The following NELL1 variants were observed in gnomAD, a reference collection of about 807,000 sequenced individuals.
NELL1 encodes neural EGFL like 1, also known as protein kinase C-binding protein NELL1.
A neutral mutation model predicts 107.4 loss-of-function variants in NELL1; 76 were observed. That is an observed-to-expected ratio of 0.71 (90% CI 0.59 to 0.86). The LOEUF (loss-of-function observed/expected upper bound fraction) is 0.86. Ranked by LOEUF, NELL1 falls within the 40% of genes least tolerant of loss-of-function variation. NELL1 has a pLI of 0.00. For synonymous variants in NELL1, 353 were observed against 341.2 expected (o/e 1.03, Z -0.38); for missense variants, 1,024 against 1,005.5 (o/e 1.02, Z -0.25).
intron 14 of NELL1, among the ~76,000 whole-genome samples, chr11:21,370,431 A>G (rs1851331750): frequency 6.6e-6 from 1 of 152,120 alleles, no homozygotes; most frequent in African/African-American, 2.4e-5. Context: ...TTTAAAGAAC[A>G]TAAAAGTTTT....
At chr11:21,406,191 C>A (rs1310809335) in intron 15 of NELL1, among the ~76,000 whole-genome samples, 1 of 151,954 alleles carries the variant, frequency 6.6e-6, no homozygotes, top group Non-Finnish European at 1.5e-5. Flanking sequence ...AGTTCCTAGG[C>A]AGATTAGCAA....
intron 14 of NELL1, among the ~76,000 whole-genome samples, chr11:21,237,309 C>T (rs546514203): frequency 9.9e-5 from 15 of 152,132 alleles, no homozygotes; most frequent in Admixed American, 3.9e-4. Flanking sequence ...TATAGTACCC[C>T]GGGCATTTAA....
At chr11:21,213,976 A>G (rs541268817) in intron 13 of NELL1, among the ~76,000 whole-genome samples, 2 of 152,306 alleles carry the variant, frequency 1.3e-5, no homozygotes, top group East Asian at 1.9e-4. Context: ...TGATTAATTC[A>G]TTGTCATGAA....
chr11:20,852,883 A>T (rs1461212649), intron 4 of NELL1, among the ~76,000 whole-genome samples: 1 of 152,240 alleles, frequency 6.6e-6, no homozygotes, highest in Non-Finnish European at 1.5e-5. Context: ...GTGTAAATTT[A>T]AGTAACAGCA....
At chr11:20,890,923 T>G (rs1023099625) in intron 5 of NELL1, among the ~76,000 whole-genome samples, 8 of 152,076 alleles carry the variant, frequency 5.3e-5, no homozygotes, top group African/African-American at 1.9e-4. Flanking sequence ...GGAAACGAGC[T>G]GGAAAACACA....
At chr11:21,087,103 T>C (rs1854413357) in intron 12 of NELL1, among the ~76,000 whole-genome samples, 1 of 152,168 alleles carries the variant, frequency 6.6e-6, no homozygotes, top group African/African-American at 2.4e-5. Context: ...CCGCCCAAAG[T>C]GCTGGGATTA....
intron 13 of NELL1, among the ~76,000 whole-genome samples, chr11:21,114,374 T>C (rs1350992741): frequency 6.6e-6 from 1 of 151,992 alleles, no homozygotes; most frequent in Middle Eastern, 3.2e-3. Flanking sequence ...GTTTTTCTTC[T>C]CTTGGACCAA....
chr11:21,400,791 C>T (rs143205277), intron 15 of NELL1, among the ~76,000 whole-genome samples: 27 of 152,040 alleles, frequency 1.8e-4, no homozygotes, highest in Non-Finnish European at 3.5e-4. Context: ...GAATTTGGCT[C>T]TTCTCCCTCT....
At chr11:20,891,543 C>T (rs558302575) in intron 5 of NELL1, among the ~76,000 whole-genome samples, 1 of 152,020 alleles carries the variant, frequency 6.6e-6, no homozygotes, top group African/African-American at 2.4e-5. Context: ...GGGCTAAGTG[C>T]CCCAATTAAA....
intron 12 of NELL1, among the ~76,000 whole-genome samples, chr11:21,060,902 A>AT (rs1853724760): frequency 6.6e-6 from 1 of 151,956 alleles, no homozygotes; most frequent in Admixed American, 6.6e-5. Flanking sequence ...TGCCTGGCTA[A>AT]TTTTTATATT....
chr11:21,274,558 A>G (rs1333359734), intron 14 of NELL1, among the ~76,000 whole-genome samples: 1 of 152,222 alleles, frequency 6.6e-6, no homozygotes, highest in Non-Finnish European at 1.5e-5. Flanking sequence ...CCTAATAGAC[A>G]TCTACAGAAC....
At chr11:20,994,181 A>G (rs1852040451) in intron 12 of NELL1, among the ~76,000 whole-genome samples, 1 of 150,836 alleles carries the variant, frequency 6.6e-6, no homozygotes, top group Admixed American at 6.6e-5. Context: ...TTTGAATGCC[A>G]GGTTTGAAAA....
At chr11:20,915,717 A>ATATATATATATTTTTTTT in intron 5 of NELL1, among the ~76,000 whole-genome samples, 23 of 58,214 alleles carry the variant, frequency 4.0e-4, no homozygotes, top group Admixed American at 1.5e-3. Context: ...ATATATATAT[A>ATATATATATATTTTTTTT]TTTTTTTTTT....
At chr11:21,540,397 T>A (rs914856172) in intron 16 of NELL1, among the ~76,000 whole-genome samples, 2 of 152,104 alleles carry the variant, frequency 1.3e-5, no homozygotes, top group Admixed American at 6.5e-5. Flanking sequence ...CTCCATCAAA[T>A]CAATTTTTTT....
chr11:21,308,997 T>C (rs1849668343), intron 14 of NELL1, among the ~76,000 whole-genome samples: 1 of 151,790 alleles, frequency 6.6e-6, no homozygotes, highest in African/African-American at 2.4e-5. Flanking sequence ...TAAACCCAAG[T>C]AGTTATCATT....
chr11:20,976,285 TA>T (rs1297171036), intron 12 of NELL1, among the ~76,000 whole-genome samples: 1 of 151,900 alleles, frequency 6.6e-6, no homozygotes, highest in African/African-American at 2.4e-5. Context: ...TAATTTGTAA[TA>T]AATTTCAGTA....
chr11:20,945,079 C>T (rs1324982617), intron 10 of NELL1, among the ~76,000 whole-genome samples: 1 of 152,230 alleles, frequency 6.6e-6, no homozygotes, highest in Non-Finnish European at 1.5e-5. Context: ...TGATTTTTGA[C>T]AGCAAGAGTG....
intron 13 of NELL1, among the ~76,000 whole-genome samples, chr11:21,133,478 G>A (rs990906164): frequency 2.0e-5 from 3 of 152,116 alleles, no homozygotes; most frequent in Non-Finnish European, 4.4e-5. Context: ...CACCCAGGCT[G>A]TTCCTGCTGA....
intron 13 of NELL1, among the ~76,000 whole-genome samples, chr11:21,195,764 A>G (rs1385694241): frequency 1.3e-5 from 2 of 152,140 alleles, no homozygotes; most frequent in Non-Finnish European, 2.9e-5. Flanking sequence ...CATGCAAGCC[A>G]TATTTGAAGG....
Sources: allele counts gnomAD v4.1 joint callset (sites outside exome capture counted in the v4.1 genomes callset), GRCh38; gene constraint gnomAD v4.1.1; transcripts MANE v1.5; gene names NCBI Gene and HGNC (gene_info 2026-07-23, HGNC 2026-07-21).